Variants in SLCO1B1 observed in about 807,000 individuals in gnomAD.
SLCO1B1 encodes the protein solute carrier organic anion transporter family member 1B1, also known as OATP-2.
In SLCO1B1, 81 loss-of-function variants were observed where a neutral mutation model predicts 70.1. The observed-to-expected ratio is 1.16, with a 90% CI of 0.97 to 1.39. The LOEUF (loss-of-function observed/expected upper bound fraction) is 1.39, where lower values mean the gene tolerates loss of function less well. Ranked by LOEUF, SLCO1B1 falls within the 40% of genes most tolerant of loss-of-function variation. The probability of loss-of-function intolerance (pLI) is 0.00; values close to 1 mark genes in which losing one functional copy is unlikely to be tolerated. For synonymous variants in SLCO1B1, 283 were observed against 271.5 expected, an observed-to-expected ratio of 1.04 and a Z score of -0.42; for missense variants, 895 against 799.6, an observed-to-expected ratio of 1.12 and a Z score of -1.44.
chr12:21,194,245 G>A (rs942033975), intron 7 of SLCO1B1, among the ~76,000 whole-genome samples: 7 of 146,890 alleles, frequency 4.8e-5, no homozygotes, highest in South Asian at 4.4e-4. Flanking sequence ...TCAAACTCCC[G>A]ACCTCAGATG....
chr12:21,222,229 G>T, intron 12 of SLCO1B1, 71 bp from the exon 13 acceptor site: 1 of 707,482 alleles, frequency 1.4e-6, no homozygotes, highest in South Asian at 2.1e-5. Context: ...CAACACAGGA[G>T]AAGGTTTAAT....
At chr12:21,177,019 C>T in intron 5 of SLCO1B1, 122 bp downstream of exon 5, 1 of 732,904 alleles carries the variant, frequency 1.4e-6, no homozygotes, top group Non-Finnish European at 2.4e-6. Flanking sequence ...AAACATTTGA[C>T]TCTTACAGAC....
At chr12:21,154,519 G>A (rs1940515294) in intron 2 of SLCO1B1, among the ~76,000 whole-genome samples, 5 of 151,932 alleles carry the variant, frequency 3.3e-5, no homozygotes, top group Admixed American at 3.3e-4. Flanking sequence ...TTTTCTTACA[G>A]CACCCCAAAC....
Position 21,205,876 on chromosome 12 carries a change from C to A in SLCO1B1, c.1340C>A (p.Pro447Gln), listed in dbSNP as rs1941209846. The A allele has an allele frequency of 6.2e-7, 1 of 1,604,664 alleles. No individual in the cohort carries two copies. Among genetic ancestry groups the A allele is most frequent in the African/African-American group, 1.3e-5 (1 of 74,494 alleles). Reference sequence around the variant, plus strand: ...CTATCATATATTTCCAGAAATAATCCAGTGACATCTCATAGAGATGTACCA... The same window carrying A: ...CTATCATATATTTCCAGAAATAATCAAGTGACATCTCATAGAGATGTACCA... ...GLTMTYDGNN[P>Q]VTSHRDVPLS... The change falls in exon 11 of 15, where the codon CCA becomes CAA. Residue 447 changes from proline (P) to glutamine (Q), a missense_variant. Coordinates refer to ENST00000256958, the MANE Select transcript of SLCO1B1 (RefSeq NM_006446.5).
chr12:21,150,459 G>T (rs770408349), intron 2 of SLCO1B1, among the ~76,000 whole-genome samples: 15 of 152,056 alleles, frequency 9.9e-5, no homozygotes, highest in Non-Finnish European at 1.5e-4. Context: ...GCTGGCATCT[G>T]GTGGGTGCCC....
intron 7 of SLCO1B1, among the ~76,000 whole-genome samples, chr12:21,190,318 A>C (rs755510049): frequency 6.6e-6 from 1 of 152,166 alleles, no homozygotes; most frequent in East Asian, 1.9e-4. Flanking sequence ...TGTCTGTACT[A>C]AATAAAAGTG....
At chr12:21,180,887 C>A (rs1463567679) in intron 7 of SLCO1B1, among the ~76,000 whole-genome samples, 1 of 152,120 alleles carries the variant, frequency 6.6e-6, no homozygotes, top group Non-Finnish European at 1.5e-5. Context: ...GAATTCATCA[C>A]CATACAATTT....
At chr12:21,212,885 A>G (rs1941305285) in intron 11 of SLCO1B1, among the ~76,000 whole-genome samples, 1 of 151,902 alleles carries the variant, frequency 6.6e-6, no homozygotes, top group African/African-American at 2.4e-5. Context: ...TAGGATTGCA[A>G]CCCCTAACTT....
rs144213763 is a variant in SLCO1B1, at chr12:21,154,649, C to A, written c.84+12991C>A. ...CTAGACACTATGACTATTTTACCTCCTTTCCTGTTTTTAGTTTTTTTTTAA... is the reference window on the plus strand; with the variant it reads ...CTAGACACTATGACTATTTTACCTCATTTCCTGTTTTTAGTTTTTTTTTAA... On this transcript the variant is annotated intron_variant, in intron 2 of 14. Coordinates refer to ENST00000256958, the MANE Select transcript of SLCO1B1 (RefSeq NM_006446.5). 8.0e-4 allele frequency among the ~76,000 whole-genome samples: 121 copies of A among 152,050 alleles called. 1 individual carries two copies. The East Asian group carries it at 0.021, about 26-fold the overall frequency.
chr12:21,168,106 C>T (rs1940711997), intron 2 of SLCO1B1, among the ~76,000 whole-genome samples: 1 of 152,002 alleles, frequency 6.6e-6, no homozygotes, highest in African/African-American at 2.4e-5. Flanking sequence ...CAAGTGTGAG[C>T]CACTATGCTT....
At chr12:21,199,731 TAATA>T (rs1387169826) in intron 8 of SLCO1B1, among the ~76,000 whole-genome samples, 1 of 152,146 alleles carries the variant, frequency 6.6e-6, no homozygotes, top group African/African-American at 2.4e-5. Flanking sequence ...CATTAAGTAC[TAATA>T]AATAAGAAAC....
At chr12:21,233,950 A>C (rs1283326959) in intron 14 of SLCO1B1, among the ~76,000 whole-genome samples, 2 of 152,220 alleles carry the variant, frequency 1.3e-5, no homozygotes, top group Admixed American at 6.5e-5. Context: ...TAACGGGTTC[A>C]CCTTGCCCAC....
At chr12:21,155,515 G>C (rs905465587) in intron 2 of SLCO1B1, among the ~76,000 whole-genome samples, 1 of 152,034 alleles carries the variant, frequency 6.6e-6, no homozygotes, top group African/African-American at 2.4e-5. Flanking sequence ...CTTCAAACCA[G>C]TTTACTTTTT....
At chr12:21,194,916 C>T (rs1205283056) in intron 7 of SLCO1B1, among the ~76,000 whole-genome samples, 2 of 152,172 alleles carry the variant, frequency 1.3e-5, no homozygotes, top group African/African-American at 2.4e-5. Flanking sequence ...GGAGCAGGCA[C>T]ATCACATGTT....
chr12:21,140,652 C>G lies in SLCO1B1; in HGVS notation c.-61-862C>G, dbSNP rs141522141. ...GCATATATTATGGACAACTTAATAC[C>G]CTGCTACCATAAGAAAAATGAGAAA... On this transcript the variant is annotated intron_variant, in intron 1 of 14. Transcript: ENST00000256958. Among the ~76,000 whole-genome samples the G allele has an allele frequency of 2.2e-3, 338 of 151,704 alleles. 3 individuals are homozygous for G. Among genetic ancestry groups the G allele is most frequent in the African/African-American group, 7.6e-3 (314 of 41,390 alleles).
intron 2 of SLCO1B1, among the ~76,000 whole-genome samples, chr12:21,166,936 C>A (rs1940693901): frequency 6.6e-6 from 1 of 152,078 alleles, no homozygotes; most frequent in African/African-American, 2.4e-5. Flanking sequence ...TTGGTACATT[C>A]ATGCAATAGA....
In SLCO1B1 at chr12:21,202,568, G is replaced by C; in HGVS notation, c.1213G>C (p.Val405Leu). ...YIIKKFKLNTVGIAKFSCFTA... is the reference protein window; with the variant it reads ...YIIKKFKLNTLGIAKFSCFTA... ...CATTAAAAAATTCAAACTGAACACCGTTGGAATTGCCAAATTCTCATGTTT... is the reference window on the plus strand; with the variant it reads ...CATTAAAAAATTCAAACTGAACACCCTTGGAATTGCCAAATTCTCATGTTT... The change falls in exon 10 of 15, where the codon GTT becomes CTT. Residue 405 changes from valine to leucine, a missense_variant. Transcript: ENST00000256958. 1 of 1,612,056 alleles carries C rather than the reference G, an allele frequency of 6.2e-7. No homozygotes were observed. Among genetic ancestry groups the C allele is most frequent in the Non-Finnish European group, 8.5e-7 (1 of 1,178,962 alleles).
chr12:21,202,504 A>T lies in SLCO1B1; in HGVS notation c.1149A>T (p.Ile383=), dbSNP rs769457580. The change falls in exon 10 of 15, where the codon ATA becomes ATT. Residue 383 remains isoleucine, a synonymous_variant. Transcript: ENST00000256958. ...KANILLGVIT[I]PIFASGMFLG... is the part of the protein sequence containing the mutation. Reference sequence around the variant, plus strand: ...TTTTTTTTCTAGGAGTCATAACCATACCTATTTTTGCAAGTGGAATGTTTT... The same window carrying T: ...TTTTTTTTCTAGGAGTCATAACCATTCCTATTTTTGCAAGTGGAATGTTTT... The T allele has an allele frequency of 6.2e-7, 1 of 1,607,046 alleles. No homozygotes were observed. Among genetic ancestry groups the T allele is most frequent in the Non-Finnish European group, 8.5e-7 (1 of 1,176,394 alleles).
chr12:21,214,521 C>T (rs1941332111), intron 11 of SLCO1B1, among the ~76,000 whole-genome samples: 1 of 150,708 alleles, frequency 6.6e-6, no homozygotes, highest in Admixed American at 6.6e-5. Flanking sequence ...TTTTGTTTGT[C>T]TGTGCCCTGC....
Sources: gnomAD v4.1 joint callset for allele counts (sites outside exome capture counted in the v4.1 genomes callset) on GRCh38, gnomAD v4.1.1 for gene constraint, MANE v1.5 for transcripts, NCBI Gene and HGNC (gene_info 2026-07-23, HGNC 2026-07-21) for gene names.